Variants in LCK observed in about 807,000 individuals in gnomAD.
The protein encoded by LCK is LCK proto-oncogene, Src family tyrosine kinase.
A neutral mutation model predicts 64.6 loss-of-function variants in LCK; 14 were observed. The ratio of observed to expected loss-of-function variants is 0.22; its 90% CI spans 0.14 to 0.34. The LOEUF (loss-of-function observed/expected upper bound fraction) is 0.34. Ranked by LOEUF, LCK falls within the 10% of genes least tolerant of loss-of-function variation. The pLI, the probability that LCK is intolerant of heterozygous loss-of-function variation, is 1.00. For missense variants in LCK, 434 were observed against 668.1 expected (o/e 0.65, Z 3.86); for synonymous variants, 277 against 263.6 (o/e 1.05, Z -0.49).
intron 9 of LCK, among the ~76,000 whole-genome samples, chr1:32,277,820 G>A (rs149227068): frequency 6.6e-6 from 1 of 152,002 alleles, no homozygotes; most frequent in Non-Finnish European, 1.5e-5. Flanking sequence ...ATAATAACGC[G>A]TTAGTAACTT....
chr1:32,264,241 T>G (rs1408932843), intron 1 of LCK, among the ~76,000 whole-genome samples: 1 of 152,098 alleles, frequency 6.6e-6, no homozygotes, highest in Non-Finnish European at 1.5e-5. Flanking sequence ...GTCAAATTTT[T>G]GATGGGAAAT....
intron 1 of LCK, among the ~76,000 whole-genome samples, chr1:32,256,690 C>A (rs1315797180): frequency 6.6e-6 from 1 of 152,166 alleles, no homozygotes; most frequent in Non-Finnish European, 1.5e-5. Flanking sequence ...CCTACCTCAC[C>A]CATTACATTT....
intron 1 of LCK, among the ~76,000 whole-genome samples, chr1:32,265,978 G>T (rs966248989): frequency 6.6e-6 from 1 of 152,128 alleles, no homozygotes; most frequent in Non-Finnish European, 1.5e-5. Context: ...TTGAGACAGG[G>T]TGTTGCTCTC....
At chr1:32,257,411 G>A (rs932785704) in intron 1 of LCK, among the ~76,000 whole-genome samples, 3 of 151,796 alleles carry the variant, frequency 2.0e-5, no homozygotes, top group Non-Finnish European at 1.5e-5. Flanking sequence ...CACAAAGTCC[G>A]GCTAATTTTT....
rs1161585756 is a variant in LCK, at chr1:32,274,858, G to GA, written c.187+41dup. Reference sequence around the variant, plus strand: ...CAGGGCCTGAAAGACAAGGCCTGCGGATCCCTGGCTGTTGGCTTCCACCTC... The same window carrying GA: ...CAGGGCCTGAAAGACAAGGCCTGCGGAATCCCTGGCTGTTGGCTTCCACCTC... On this transcript the variant is annotated intron_variant, in intron 3 of 12. Transcript: ENST00000336890. 1.9e-6 allele frequency: 3 copies of GA among 1,613,780 alleles called. No individual in the cohort carries two copies. The African/African-American group carries it at 4.0e-5, about 22-fold the overall frequency.
chr1:32,256,458 C>T (rs1366640733), intron 1 of LCK, among the ~76,000 whole-genome samples: 1 of 151,698 alleles, frequency 6.6e-6, no homozygotes, highest in Non-Finnish European at 1.5e-5. Flanking sequence ...ATTAGCCAGG[C>T]GTGGTGGCAG....
chr1:32,283,332 A>T (rs1022653971), intron 12 of LCK, among the ~76,000 whole-genome samples: 6 of 151,172 alleles, frequency 4.0e-5, no homozygotes, highest in Non-Finnish European at 7.4e-5. Context: ...TCCCATAGGC[A>T]GAGGCTCCCT....
intron 1 of LCK, among the ~76,000 whole-genome samples, chr1:32,263,947 G>A (rs978833463): frequency 1.5e-4 from 23 of 151,932 alleles, no homozygotes; most frequent in African/African-American, 5.6e-4. Flanking sequence ...CCGGAAGGAT[G>A]GGGTATACCC....
At chr1:32,264,225 A>G (rs987686589) in intron 1 of LCK, among the ~76,000 whole-genome samples, 23 of 152,154 alleles carry the variant, frequency 1.5e-4, no homozygotes, top group African/African-American at 5.5e-4. Flanking sequence ...TGTTAACAGC[A>G]CAGTGGTCAA....
At chr1:32,265,130 C>A (rs1406437981) in intron 1 of LCK, among the ~76,000 whole-genome samples, 2 of 151,602 alleles carry the variant, frequency 1.3e-5, no homozygotes, top group Non-Finnish European at 2.9e-5. Flanking sequence ...TTGCAGTGAG[C>A]CAAGATTGCG....
intron 1 of LCK, among the ~76,000 whole-genome samples, chr1:32,255,470 A>G (rs1266252633): frequency 6.6e-6 from 1 of 152,196 alleles, no homozygotes; most frequent in Non-Finnish European, 1.5e-5. Flanking sequence ...TTTCCGTGTC[A>G]ATACATGTCA....
chr1:32,283,949 C>T (rs182336238), intron 12 of LCK, among the ~76,000 whole-genome samples: 1 of 152,138 alleles, frequency 6.6e-6, no homozygotes, highest in Admixed American at 6.6e-5. Flanking sequence ...GGCATGATCT[C>T]AGCTCACTGC....
intron 12 of LCK, among the ~76,000 whole-genome samples, chr1:32,283,650 A>G (rs1323936169): frequency 6.6e-6 from 1 of 152,074 alleles, no homozygotes; most frequent in Non-Finnish European, 1.5e-5. Context: ...CAGCCCAAAG[A>G]CTATTTCATC....
intron 1 of LCK, among the ~76,000 whole-genome samples, chr1:32,252,031 T>A (rs900707443): frequency 6.6e-6 from 1 of 152,072 alleles, no homozygotes; most frequent in Non-Finnish European, 1.5e-5. Context: ...TGAACTGATA[T>A]GTGTGGGGGT....
At chr1:32,259,589 C>T (rs1217720766) in intron 1 of LCK, among the ~76,000 whole-genome samples, 1 of 151,298 alleles carries the variant, frequency 6.6e-6, no homozygotes, top group African/African-American at 2.4e-5. Context: ...CACTGCACTC[C>T]AGCCTGGGCG....
At chr1:32,282,642 A>G (rs1441466202) in intron 12 of LCK, among the ~76,000 whole-genome samples, 1 of 151,938 alleles carries the variant, frequency 6.6e-6, no homozygotes, top group Non-Finnish European at 1.5e-5. Flanking sequence ...TGCCTCTACT[A>G]AAAATACAAA....
chr1:32,255,576 TTGC>T (rs1237009817), intron 1 of LCK, among the ~76,000 whole-genome samples: 1 of 152,190 alleles, frequency 6.6e-6, no homozygotes, highest in Non-Finnish European at 1.5e-5. Flanking sequence ...CTGGCAAGTG[TTGC>T]TGTCATGTGC....
intron 1 of LCK, among the ~76,000 whole-genome samples, chr1:32,268,210 A>T (rs538344017): frequency 1.3e-5 from 2 of 152,132 alleles, no homozygotes; most frequent in East Asian, 3.8e-4. Context: ...AATAAAAAAG[A>T]AAAAAGTAAT....
At chr1:32,252,176 C>T (rs1193379418) in intron 1 of LCK, among the ~76,000 whole-genome samples, 1 of 152,048 alleles carries the variant, frequency 6.6e-6, no homozygotes, top group African/African-American at 2.4e-5. Context: ...TGCAGTTGGT[C>T]CTGGGTGAGG....
Sources: allele counts gnomAD v4.1 joint callset (sites outside exome capture counted in the v4.1 genomes callset), GRCh38; gene constraint gnomAD v4.1.1; transcripts MANE v1.5; gene names NCBI Gene and HGNC (gene_info 2026-07-23, HGNC 2026-07-21).